KCNH8: variants seen among roughly 807,000 people sequenced by gnomAD.
KCNH8 encodes the protein potassium voltage-gated channel subfamily H member 8.
A neutral mutation model predicts 103.6 loss-of-function variants in KCNH8; 70 were observed. The ratio of observed to expected loss-of-function variants is 0.68; its 90% CI spans 0.56 to 0.82. The LOEUF is 0.82. KCNH8 is among the 40% of genes least tolerant of loss of function. The pLI is 0.00. For missense variants in KCNH8, 1,217 were observed against 1,329.9 expected, an observed-to-expected ratio of 0.92 and a Z score of 1.32; for synonymous variants, 498 against 489.4, an observed-to-expected ratio of 1.02 and a Z score of -0.23.
intron 7 of KCNH8, among the ~76,000 whole-genome samples, chr3:19,398,590 C>T (rs1441258362): frequency 1.3e-5 from 2 of 151,870 alleles, no homozygotes; most frequent in Non-Finnish European, 2.9e-5. Flanking sequence ...GGATAAAGTT[C>T]CCTTTTGAAC....
chr3:19,428,076 C>G (rs2067055782), intron 7 of KCNH8, among the ~76,000 whole-genome samples: 2 of 152,184 alleles, frequency 1.3e-5, no homozygotes, highest in African/African-American at 4.8e-5. Context: ...TGGTCCTTCT[C>G]CCTAACAGAT....
chr3:19,402,770 G>T lies in KCNH8; in HGVS notation c.1177+7459G>T, dbSNP rs74569567. ...TAGGGATTCTGTACCTTATTACTAG[G>T]TCACCCTTTAGCTTAAACGAGAAAG... On this transcript the variant is annotated intron_variant, in intron 7 of 15. Transcript: ENST00000328405. Among the ~76,000 whole-genome samples, 1,352 of 151,872 alleles carry T rather than the reference G, an allele frequency of 8.9e-3. 6 individuals carry two copies. Among genetic ancestry groups the T allele is most frequent in the South Asian group, 0.018 (88 of 4,818 alleles).
intron 15 of KCNH8, among the ~76,000 whole-genome samples, chr3:19,532,121 A>T (rs2069172474): frequency 6.6e-6 from 1 of 152,214 alleles, no homozygotes; most frequent in Admixed American, 6.5e-5. Flanking sequence ...GTATTCCATG[A>T]TTAAAATGCT....
At chr3:19,222,360 A>G (rs961224857) in intron 1 of KCNH8, among the ~76,000 whole-genome samples, 1 of 152,222 alleles carries the variant, frequency 6.6e-6, no homozygotes, top group African/African-American at 2.4e-5. Flanking sequence ...TTTATTCTAC[A>G]TATATAATAG....
chr3:19,173,217 G>A (rs1234896460), intron 1 of KCNH8, among the ~76,000 whole-genome samples: 1 of 152,082 alleles, frequency 6.6e-6, no homozygotes, highest in East Asian at 1.9e-4. Flanking sequence ...TGTGCAACCT[G>A]GTTAGCAAAT....
intron 1 of KCNH8, among the ~76,000 whole-genome samples, chr3:19,247,334 T>A (rs1348212188): frequency 6.6e-6 from 1 of 152,146 alleles, no homozygotes; most frequent in Non-Finnish European, 1.5e-5. Context: ...GCAGTTAAGC[T>A]CCCTGAAATC....
intron 2 of KCNH8, among the ~76,000 whole-genome samples, chr3:19,265,001 C>A (rs1435206902): frequency 3.9e-5 from 6 of 152,054 alleles, no homozygotes; most frequent in African/African-American, 1.4e-4. Context: ...CCCTCACCTG[C>A]CCTTAGTCTA....
intron 5 of KCNH8, among the ~76,000 whole-genome samples, chr3:19,358,003 A>G (rs2065901141): frequency 6.6e-6 from 1 of 151,952 alleles, no homozygotes; most frequent in Non-Finnish European, 1.5e-5. Flanking sequence ...AGGATTAAAA[A>G]GAAAATCTTC....
chr3:19,480,064 G>A (rs1210904189), intron 11 of KCNH8, among the ~76,000 whole-genome samples: 2 of 152,168 alleles, frequency 1.3e-5, no homozygotes, highest in Non-Finnish European at 2.9e-5. Context: ...ATTCCTTATT[G>A]AGAGGACATT....
At chr3:19,447,934 A>G (rs2067386556) in intron 8 of KCNH8, among the ~76,000 whole-genome samples, 1 of 151,996 alleles carries the variant, frequency 6.6e-6, no homozygotes. Context: ...TGCGTGTATC[A>G]AGCATTTATT....
At chr3:19,367,582 CATA>C (rs992123636) in intron 5 of KCNH8, among the ~76,000 whole-genome samples, 2 of 151,176 alleles carry the variant, frequency 1.3e-5, no homozygotes, top group African/African-American at 4.9e-5. Flanking sequence ...TTAATATTTG[CATA>C]ATATTCCATC....
chr3:19,183,456 C>A (rs949599750), intron 1 of KCNH8, among the ~76,000 whole-genome samples: 1 of 151,894 alleles, frequency 6.6e-6, no homozygotes, highest in Non-Finnish European at 1.5e-5. Flanking sequence ...AATATACAGC[C>A]AAGAAACAGA....
chr3:19,520,824 G>C (rs1392725447), intron 15 of KCNH8, among the ~76,000 whole-genome samples: 5 of 151,928 alleles, frequency 3.3e-5, no homozygotes, highest in African/African-American at 9.7e-5. Flanking sequence ...TCTCTATTCT[G>C]ATATTTGTTT....
intron 11 of KCNH8, among the ~76,000 whole-genome samples, chr3:19,500,400 A>G (rs2068552645): frequency 1.3e-5 from 2 of 152,166 alleles, no homozygotes; most frequent in African/African-American, 2.4e-5. Context: ...CAACAAGGAT[A>G]CCCAGGAATT....
intron 1 of KCNH8, 75 bp downstream of exon 1, chr3:19,148,870 C>A: frequency 1.5e-6 from 2 of 1,293,268 alleles, no homozygotes; most frequent in Non-Finnish European, 2.3e-6. Context: ...CTTTTGCTCC[C>A]ACCTTCCCTT....
rs559798198 is a variant in KCNH8 at position 19,192,626 on chromosome 3, G to A, written c.76+43831G>A. Among the ~76,000 whole-genome samples the A allele has an allele frequency of 2.0e-3, 307 of 151,652 alleles. 3 individuals are homozygous for A. Among genetic ancestry groups the A allele is most frequent in the African/African-American group, 7.1e-3 (294 of 41,402 alleles). On this transcript the variant is annotated intron_variant, in intron 1 of 15. Transcript: ENST00000328405. ...CTTTTCAAAGGTATTTGGGAAACGA[G>A]GAGATTTGCTCAGTCAGTAATCTTC...
At chr3:19,252,510 C>T (rs1261204031) in intron 1 of KCNH8, among the ~76,000 whole-genome samples, 2 of 151,996 alleles carry the variant, frequency 1.3e-5, no homozygotes, top group South Asian at 4.2e-4. Flanking sequence ...CTGTCTCAGC[C>T]TCCTGAGTAG....
At position 19,157,761 on chromosome 3, in the gene KCNH8, G is replaced by A. The variant is rs151237031; in HGVS notation, c.76+8966G>A. On this transcript the variant is annotated intron_variant, in intron 1 of 15. Coordinates refer to ENST00000328405, the MANE Select transcript of KCNH8 (RefSeq NM_144633.3). ...TTAAGAGATATTTAAATGCTTTGTT[G>A]AGCATTACTTGTTTATATTCATTGT... is the stretch of plus-strand genomic sequence containing the variant. Among the ~76,000 whole-genome samples the A allele has an allele frequency of 5.9e-5, 9 of 151,884 alleles. No individual in the cohort carries two copies. In the East Asian group the frequency reaches 1.4e-3, roughly 23 times the overall value.
At chr3:19,329,726 C>T (rs939694258) in intron 3 of KCNH8, among the ~76,000 whole-genome samples, 2 of 152,098 alleles carry the variant, frequency 1.3e-5, no homozygotes, top group African/African-American at 4.8e-5. Flanking sequence ...AGGGATAGCA[C>T]TAAGCATTTC....
Sources: gnomAD v4.1 joint callset for allele counts (sites outside exome capture counted in the v4.1 genomes callset) on GRCh38, gnomAD v4.1.1 for gene constraint, MANE v1.5 for transcripts, NCBI Gene and HGNC (gene_info 2026-07-23, HGNC 2026-07-21) for gene names.